Variants in DGLUCY observed in about 807,000 individuals in gnomAD.
DGLUCY encodes the protein D-glutamate cyclase.
In DGLUCY, 58 loss-of-function variants were observed where a neutral mutation model predicts 58.5. The observed-to-expected ratio is 0.99, with a 90% CI of 0.80 to 1.23. The LOEUF (loss-of-function observed/expected upper bound fraction) is 1.23, where lower values mean the gene tolerates loss of function less well. DGLUCY is among the 50% of genes most tolerant of loss of function. The pLI is 0.00. For missense variants in DGLUCY, 779 were observed against 784.7 expected (o/e 0.99, Z 0.09); for synonymous variants, 325 against 314.1 (o/e 1.03, Z -0.37).
At chr14:91,155,257 G>A (rs1338575724) in intron 1 of DGLUCY, among the ~76,000 whole-genome samples, 3 of 152,206 alleles carry the variant, frequency 2.0e-5, no homozygotes, top group Non-Finnish European at 2.9e-5. Context: ...ATTCACCACT[G>A]TGTTTTTGGC....
intron 12 of DGLUCY, among the ~76,000 whole-genome samples, chr14:91,205,847 T>TC (rs1884588516): frequency 7.8e-6 from 1 of 128,292 alleles, no homozygotes; most frequent in African/African-American, 3.1e-5. Context: ...TTCTTCTTTT[T>TC]TTTTTTTTTT....
At chr14:91,216,957 G>T (rs1376860338) in intron 13 of DGLUCY, among the ~76,000 whole-genome samples, 1 of 152,206 alleles carries the variant, frequency 6.6e-6, no homozygotes, top group Non-Finnish European at 1.5e-5. Context: ...GGTGGCAGCG[G>T]GACTGGCCCT....
At chr14:91,213,563 G>GT (rs1434910404) in intron 12 of DGLUCY, among the ~76,000 whole-genome samples, 1 of 152,168 alleles carries the variant, frequency 6.6e-6, no homozygotes, top group Non-Finnish European at 1.5e-5. Flanking sequence ...TTTCAGAGAT[G>GT]TAAGTGTAAC....
chr14:91,073,308 G>A (rs1405019396), intron 1 of DGLUCY, among the ~76,000 whole-genome samples: 1 of 152,022 alleles, frequency 6.6e-6, no homozygotes, highest in African/African-American at 2.4e-5. Context: ...AGGTGTGATG[G>A]CACACGCCTG....
At chr14:91,182,169 C>T (rs555712111) in intron 8 of DGLUCY, among the ~76,000 whole-genome samples, 6 of 151,992 alleles carry the variant, frequency 3.9e-5, no homozygotes, top group Non-Finnish European at 5.9e-5. Context: ...TTAGTAGAGT[C>T]GAGGTTTCAC....
At position 91,144,207 on chromosome 14, in the gene DGLUCY, T is replaced by C. The variant is rs144280945; in HGVS notation, c.-81-13432T>C. Reference sequence around the variant, plus strand: ...GGGAGGGTCCCTGGGACAGGGTGTTTCTGGTTTCAGGAGATTCTACTGGCC... The same window carrying C: ...GGGAGGGTCCCTGGGACAGGGTGTTCCTGGTTTCAGGAGATTCTACTGGCC... On this transcript the variant is annotated intron_variant, in intron 1 of 13. Coordinates refer to ENST00000256324, the MANE Select transcript of DGLUCY (RefSeq NM_001102368.3). Among the ~76,000 whole-genome samples, 61 of 152,298 alleles carry C rather than the reference T, an allele frequency of 4.0e-4. No individual in the cohort carries two copies. In the East Asian group the frequency reaches 0.011, roughly 28 times the overall value.
At chr14:91,160,222 G>C (rs2047898840) in intron 2 of DGLUCY, 44 bp from the exon 3 acceptor site, 11 of 1,222,510 alleles carry the variant, frequency 9.0e-6, no homozygotes, top group Non-Finnish European at 1.3e-5. Context: ...CTGCCTTCAG[G>C]GGGCCACACT....
chr14:91,118,215 G>C (rs902747280), intron 1 of DGLUCY, among the ~76,000 whole-genome samples: 1 of 151,374 alleles, frequency 6.6e-6, no homozygotes, highest in African/African-American at 2.4e-5. Flanking sequence ...CAAGTAGCTG[G>C]GATTACAGGC....
At position 91,067,074 on chromosome 14, in the gene DGLUCY, C is replaced by G. The variant is rs577198604; in HGVS notation, c.-82+6370C>G. On this transcript the variant is annotated intron_variant, in intron 1 of 4. Transcript: ENST00000521334. ...CCAGCCTGGGTGACAGAGCGAGACT[C>G]CATCTCAAAAAAAAAAAAAAAAAAA... Among the ~76,000 whole-genome samples, 9 of 116,564 alleles carry G rather than the reference C, an allele frequency of 7.7e-5. No individual in the cohort carries two copies. The East Asian group carries it at 1.7e-3, about 22-fold the overall frequency. 76.5% of individuals were successfully genotyped at this position (116,564 alleles called of 152,430 possible). A position where few individuals can be genotyped will look rare whatever the true frequency, so the allele number is the denominator to read the frequency against.
rs201585097 is a variant in DGLUCY at position 91,189,060 on chromosome 14, C to G, written c.1085C>G (p.Ala362Gly). ...PPEETDGPPGAVALVAFLQAL... is the reference protein window; with the variant it reads ...PPEETDGPPGGVALVAFLQAL... Reference sequence around the variant, plus strand: ...GAAGAGACAGATGGCCCACCAGGAGCTGTTGCTCTGGTTGCCTTCCTGCAG... The same window carrying G: ...GAAGAGACAGATGGCCCACCAGGAGGTGTTGCTCTGGTTGCCTTCCTGCAG... The change falls in exon 9 of 14, where the codon GCT becomes GGT. Residue 362 changes from alanine to glycine, a missense_variant. Transcript: ENST00000256324. 8.8e-4 allele frequency: 1,427 copies of G among 1,614,160 alleles called. 20 individuals carry two copies. In the South Asian group the frequency reaches 0.014, roughly 16 times the overall value.
chr14:91,214,382 A>G (rs1391516620), intron 12 of DGLUCY, among the ~76,000 whole-genome samples: 4 of 152,160 alleles, frequency 2.6e-5, no homozygotes, highest in Non-Finnish European at 5.9e-5. Flanking sequence ...TGGTCCCAAA[A>G]CTGGGAAATA....
At chr14:91,064,587 C>T (rs1454796647) in intron 1 of DGLUCY, among the ~76,000 whole-genome samples, 2 of 141,826 alleles carry the variant, frequency 1.4e-5, no homozygotes, top group Non-Finnish European at 3.0e-5. Context: ...CGCATCACTG[C>T]ACTCCAGCCT....
At chr14:91,097,026 C>T (rs1046507791) in intron 1 of DGLUCY, among the ~76,000 whole-genome samples, 6 of 152,124 alleles carry the variant, frequency 3.9e-5, no homozygotes, top group African/African-American at 1.4e-4. Context: ...GTGGTGGTTG[C>T]CTTGGGCTGG....
intron 3 of DGLUCY, among the ~76,000 whole-genome samples, chr14:91,161,810 A>ATT (rs3028460): frequency 6.8e-6 from 1 of 147,990 alleles, no homozygotes; most frequent in African/African-American, 2.5e-5. Flanking sequence ...GATTTTTGCC[A>ATT]TTTTTTTTTT....
At chr14:91,130,317 TTTTA>T (rs1177908912) in intron 1 of DGLUCY, among the ~76,000 whole-genome samples, 70 of 151,376 alleles carry the variant, frequency 4.6e-4, no homozygotes, top group Admixed American at 9.2e-4. Flanking sequence ...TTTTTTTTTT[TTTTA>T]GACAGAGTCT....
intron 1 of DGLUCY, among the ~76,000 whole-genome samples, chr14:91,127,392 G>A (rs1478073920): frequency 6.6e-6 from 1 of 152,178 alleles, no homozygotes; most frequent in Non-Finnish European, 1.5e-5. Flanking sequence ...GCTGCCAACT[G>A]GAGCTAGAAA....
At chr14:91,103,901 C>T (rs542668670), upstream of DGLUCY, among the ~76,000 whole-genome samples, 1 of 151,918 alleles carries the variant, frequency 6.6e-6, no homozygotes, top group East Asian at 1.9e-4. Context: ...CCAGCTCCCA[C>T]TTCTGCGCAT....
upstream of DGLUCY, among the ~76,000 whole-genome samples, chr14:91,112,575 CTTT>C (rs546929574): frequency 1.8e-4 from 27 of 152,100 alleles, no homozygotes; most frequent in Admixed American, 5.2e-4. Flanking sequence ...AGATCTTTCA[CTTT>C]TCACTTTAAC....
In DGLUCY at chr14:91,092,972, T is replaced by G. The variant is rs538662411; in HGVS notation, c.-82+32268T>G. On this transcript the variant is annotated intron_variant, in intron 1 of 4. Coordinates refer to the DGLUCY transcript ENST00000521334. ...GGTGGCAGGCGCCTATGGTCCCAGCTACTCGGGAGGCTGAGGCAGGAGACT... is the reference window on the plus strand; with the variant it reads ...GGTGGCAGGCGCCTATGGTCCCAGCGACTCGGGAGGCTGAGGCAGGAGACT... 2.0e-5 allele frequency among the ~76,000 whole-genome samples: 3 copies of G among 151,698 alleles called. No homozygotes were observed. In the East Asian group the frequency reaches 5.8e-4, roughly 29 times the overall value.
Sources: gnomAD v4.1 joint callset for allele counts (sites outside exome capture counted in the v4.1 genomes callset) on GRCh38, gnomAD v4.1.1 for gene constraint, MANE v1.5 for transcripts, NCBI Gene and HGNC (gene_info 2026-07-23, HGNC 2026-07-21) for gene names.